The following MEAK7 variants were observed in gnomAD, a reference collection of about 807,000 sequenced individuals.
MEAK7 encodes the protein MTOR associated protein MEAK7, also known as MTOR-associated protein MEAK7.
A neutral mutation model predicts 40.5 loss-of-function variants in MEAK7; 68 were observed. That is an observed-to-expected ratio of 1.68 (90% CI 1.38 to 2.06). The LOEUF is 2.06. Among genes scored for constraint, MEAK7 ranks in the 30% most tolerant of loss-of-function variants. The pLI, the probability that MEAK7 is intolerant of heterozygous loss-of-function variation, is 0.00. For synonymous variants in MEAK7, 338 were observed against 231.9 expected, an observed-to-expected ratio of 1.46 and a Z score of -4.16; for missense variants, 918 against 580.5, an observed-to-expected ratio of 1.58 and a Z score of -5.98.
In MEAK7 at chr16:84,482,599, T is replaced by C. The variant is rs779301587; in HGVS notation, c.1070A>G (p.Asn357Ser). 6.2e-7 allele frequency: 1 copy of C among 1,614,182 alleles called. No individual in the cohort carries two copies. Among genetic ancestry groups the C allele is most frequent in the Non-Finnish European group, 8.5e-7 (1 of 1,180,002 alleles). Reference sequence around the variant, plus strand: ...CGCTCTGCCCGGGCTCACCAGTCCGTTCGGGATCGTCTGCTGTCCATGGTT... The same window carrying C: ...CGCTCTGCCCGGGCTCACCAGTCCGCTCGGGATCGTCTGCTGTCCATGGTT... ...YLNHGQQTIPNGLGMGGQHNY... is the reference protein window; with the variant it reads ...YLNHGQQTIPSGLGMGGQHNY... The change falls in exon 6 of 8, where the codon AAC becomes AGC. Residue 357 changes from asparagine to serine, a missense_variant. Coordinates refer to ENST00000343629, the MANE Select transcript of MEAK7 (RefSeq NM_020947.4).
intron 5 of MEAK7, chr16:84,486,014 C>G (rs1336648126): frequency 1.3e-5 from 2 of 150,046 alleles, no homozygotes; most frequent in African/African-American, 4.9e-5. Context: ...AAGATAGAGG[C>G]AAGGTCTCAC....
rs150857959 is a variant in MEAK7, at chr16:84,486,743, G to C, written c.846C>G (p.Leu282=). 1,051 of 1,613,926 alleles carry C rather than the reference G, an allele frequency of 6.5e-4. 3 individuals are homozygous for C. Among genetic ancestry groups the C allele is most frequent in the Non-Finnish European group, 8.5e-4 (1,002 of 1,179,912 alleles). ...SELHGHSFSQ[L]CGHITHRGPC... is the part of the protein sequence containing the mutation. ...GTCCCCGGTGAGTGATGTGGCCACA[G>C]AGCTGGGAGAAGCTGTGTCCATGGA... Residue 282 remains leucine, a synonymous_variant, in exon 5 of 8, where the codon CTC becomes CTG. Transcript: ENST00000343629.
Position 84,476,492 on chromosome 16 carries a change from T to G in MEAK7, c.*3421A>C, listed in dbSNP as rs1912118262. 1 of 152,032 alleles carries G rather than the reference T, an allele frequency of 6.6e-6. No homozygotes were observed. The highest frequency in any genetic ancestry group is 2.1e-4 in the South Asian group (1 of 4,820). 9.4% of individuals were successfully genotyped at this position (152,032 alleles called of 1,614,324 possible). On this transcript the variant is annotated 3_prime_UTR_variant, in exon 8 of 8. Transcript: ENST00000343629. ...TAAATAAAAGGCATATACCTCTCAA[T>G]CCAACAATTCCAATTCTAAGAGTTT...
chr16:84,491,736 G>T (rs1450992204), intron 3 of MEAK7, among the ~76,000 whole-genome samples: 1 of 150,936 alleles, frequency 6.6e-6, no homozygotes, highest in Admixed American at 6.6e-5. Flanking sequence ...CACTTGGGAA[G>T]CTAAGGCAGG....
intron 3 of MEAK7, 98 bp downstream of exon 3, chr16:84,495,583 TGG>T: frequency 1.9e-6 from 2 of 1,080,168 alleles, no homozygotes; most frequent in Admixed American, 2.0e-5. Flanking sequence ...AAATACTTTT[TGG>T]TTTACTCCTC....
Position 84,477,576 on chromosome 16 carries a change from A to C in MEAK7, c.*2337T>G, listed in dbSNP as rs367693873. The C allele has an allele frequency of 7.7e-6, 1 of 129,962 alleles. No homozygotes were observed. The highest frequency in any genetic ancestry group is 8.2e-5 in the Admixed American group (1 of 12,150). 8.1% of individuals were successfully genotyped at this position (129,962 alleles called of 1,614,324 possible). On this transcript the variant is annotated 3_prime_UTR_variant, in exon 8 of 8. Transcript: ENST00000343629. ...TCATTTATAATAGTTTGCAACGCGGACAAATTTTTTTTTTAACCCCTTCCT... is the reference window on the plus strand; with the variant it reads ...TCATTTATAATAGTTTGCAACGCGGCCAAATTTTTTTTTTAACCCCTTCCT...
At chr16:84,483,298 G>C (rs778637431) in intron 5 of MEAK7, among the ~76,000 whole-genome samples, 2 of 152,234 alleles carry the variant, frequency 1.3e-5, no homozygotes, top group Non-Finnish European at 1.5e-5. Flanking sequence ...TGGAAACTAT[G>C]GGTCCCCAGT....
chr16:84,501,659 G>C (rs564417127), intron 1 of MEAK7, among the ~76,000 whole-genome samples: 6 of 152,250 alleles, frequency 3.9e-5, no homozygotes, highest in Middle Eastern at 3.4e-3. Context: ...GCAGGAGAGA[G>C]GAGGTTGCAT....
intron 3 of MEAK7, among the ~76,000 whole-genome samples, chr16:84,493,394 C>G (rs1208029024): frequency 6.6e-6 from 1 of 152,152 alleles, no homozygotes; most frequent in Non-Finnish European, 1.5e-5. Flanking sequence ...AGGAAAACTT[C>G]TAGGACTCAT....
At chr16:84,483,762 G>A (rs947378822) in intron 5 of MEAK7, among the ~76,000 whole-genome samples, 4 of 152,216 alleles carry the variant, frequency 2.6e-5, no homozygotes, top group Non-Finnish European at 5.9e-5. Flanking sequence ...GAGGTCAAGA[G>A]GGAGGCCCTG....
At chr16:84,499,071 C>G (rs187708055) in intron 1 of MEAK7, among the ~76,000 whole-genome samples, 1 of 152,314 alleles carries the variant, frequency 6.6e-6, no homozygotes, top group East Asian at 1.9e-4. Flanking sequence ...ATGATCCCGG[C>G]CCGTGAGCCT....
chr16:84,504,282 C>T, intron 1 of MEAK7: 1 of 470,120 alleles, frequency 2.1e-6, no homozygotes, highest in Admixed American at 6.4e-5. Flanking sequence ...GCTCTGAATC[C>T]CCCTTCAACA....
intron 1 of MEAK7, chr16:84,504,077 T>C: frequency 5.1e-6 from 5 of 985,582 alleles, no homozygotes; most frequent in Non-Finnish European, 6.0e-6. Context: ...AAGAAGTTCC[T>C]GTGGGCCAGA....
chr16:84,491,058 G>A (rs72808603), intron 3 of MEAK7, among the ~76,000 whole-genome samples: 122 of 152,314 alleles, frequency 8.0e-4, no homozygotes, highest in Middle Eastern at 3.4e-3. Flanking sequence ...CCAAAAGTTG[G>A]TTCATTGAAA....
rs116683230 is a variant in MEAK7, at chr16:84,480,374, G to C, written c.1257+155C>G. 7.5e-3 allele frequency among the ~76,000 whole-genome samples: 1,135 copies of C among 152,308 alleles called. 17 individuals carry two copies. The highest frequency in any genetic ancestry group is 0.026 in the African/African-American group (1,075 of 41,550). Reference sequence around the variant, plus strand: ...AATCCCAGACAAGACTTCCAGCCATGCATCTCCTGGCATCCAAGCCAGCAT... The same window carrying C: ...AATCCCAGACAAGACTTCCAGCCATCCATCTCCTGGCATCCAAGCCAGCAT... On this transcript the variant is annotated intron_variant, in intron 7 of 7. Transcript: ENST00000343629.
intron 3 of MEAK7, 79 bp from the exon 4 acceptor site, chr16:84,489,501 A>C (rs1234501499): frequency 1.4e-6 from 2 of 1,474,232 alleles, no homozygotes; most frequent in African/African-American, 2.8e-5. Context: ...GGAGAAGGGC[A>C]ATTTTCTTTA....
intron 5 of MEAK7, among the ~76,000 whole-genome samples, chr16:84,484,392 G>C (rs1350995279): frequency 1.3e-5 from 2 of 152,194 alleles, no homozygotes; most frequent in Non-Finnish European, 2.9e-5. Flanking sequence ...ACACAGCATG[G>C]TTTCGTGTAA....
At chr16:84,485,522 A>G (rs1597931236) in intron 5 of MEAK7, among the ~76,000 whole-genome samples, 1 of 152,192 alleles carries the variant, frequency 6.6e-6, no homozygotes, top group East Asian at 1.9e-4. Context: ...GGGGTAAGAT[A>G]CAGGATGTAC....
Position 84,487,029 on chromosome 16 carries a change from A to C in MEAK7, c.560T>G (p.Leu187Arg). 6.2e-7 allele frequency: 1 copy of C among 1,613,336 alleles called. No homozygotes were observed. The highest frequency in any genetic ancestry group is 1.1e-5 in the South Asian group (1 of 90,942). Residue 187 changes from leucine (L) to arginine (R), a missense_variant, in exon 5 of 8, where the codon CTG becomes CGG. Transcript: ENST00000343629. ...DGKRLLGPQW[L>R]DYDCDRAVIE... ...CACAGCTCGGTCACAGTCATAGTCCAGCCACTGGGGCCCCAGAAGTCTCTT... is the reference window on the plus strand; with the variant it reads ...CACAGCTCGGTCACAGTCATAGTCCCGCCACTGGGGCCCCAGAAGTCTCTT...
Sources: gnomAD v4.1 joint callset for allele counts (sites outside exome capture counted in the v4.1 genomes callset) on GRCh38, gnomAD v4.1.1 for gene constraint, MANE v1.5 for transcripts, NCBI Gene and HGNC (gene_info 2026-07-23, HGNC 2026-07-21) for gene names.